The following HOXB8 variants were observed in gnomAD, a reference collection of about 807,000 sequenced individuals.
The protein encoded by HOXB8 is homeobox protein Hox-B8.
A neutral mutation model predicts 22.2 loss-of-function variants in HOXB8; 17 were observed. That is an observed-to-expected ratio of 0.77 (90% confidence interval 0.53 to 1.15). HOXB8 has a LOEUF of 1.15. HOXB8 is among the 50% of genes most tolerant of loss of function. The probability of loss-of-function intolerance (pLI) is 0.00; values close to 1 mark genes in which losing one functional copy is unlikely to be tolerated. For missense variants in HOXB8, 287 were observed against 323.8 expected (o/e 0.89, Z 0.87); for synonymous variants, 156 against 144.6 (o/e 1.08, Z -0.57).
chr17:48,614,154 A>G lies in HOXB8; in HGVS notation c.424+127T>C, dbSNP rs970400382. ...GAAAGAAAGATAAGAAAGAAAGGGG[A>G]AAAGCGGCAGGCGATCGGAACGGAG... On this transcript the variant is annotated intron_variant, in intron 1 of 1. Coordinates refer to ENST00000239144, the MANE Select transcript of HOXB8 (RefSeq NM_024016.4). This position sits in a 1 kb window ranked among gnomAD's most constrained non-coding sequence, Gnocchi z 4.1. 282 of 667,088 alleles carry G rather than the reference A, an allele frequency of 4.2e-4. 4 individuals are homozygous for G. Among genetic ancestry groups the G allele is most frequent in the Non-Finnish European group, 6.0e-4 (260 of 432,174 alleles). The allele number at this position is 667,088 out of a possible 1,614,324, so 41.3% of individuals were successfully genotyped here.
rs770672654 is a variant in HOXB8 at position 48,613,453 on chromosome 17, G to A, written c.481C>T (p.Leu161=). ...GGATTAAATAGGAACTCCTTCTCCA[G>A]CTCCAGGGTCTGGTAGCGGCTGTAG... is the stretch of plus-strand genomic sequence containing the variant. ...QTYSRYQTLE[L]EKEFLFNPYL... Residue 161 remains leucine, a synonymous_variant, in exon 2 of 2, where the codon CTG becomes TTG. Transcript: ENST00000239144. 5 of 1,611,148 alleles carry A rather than the reference G, an allele frequency of 3.1e-6. No individual in the cohort carries two copies. The highest frequency in any genetic ancestry group is 4.2e-6 in the Non-Finnish European group (5 of 1,178,322).
chr17:48,614,920 G>A lies in HOXB8; in HGVS notation c.-216C>T, dbSNP rs2070707245. 1.9e-6 allele frequency: 1 copy of A among 514,720 alleles called. No individual in the cohort carries two copies. Among genetic ancestry groups the A allele is most frequent in the Non-Finnish European group, 3.4e-6 (1 of 295,368 alleles). 31.9% of individuals were successfully genotyped at this position (514,720 alleles called of 1,614,324 possible). On this transcript the variant is annotated 5_prime_UTR_variant, in exon 1 of 2. Transcript: ENST00000239144. This position sits in a 1 kb window ranked among gnomAD's most constrained non-coding sequence, Gnocchi z 4.1. Reference sequence around the variant, plus strand: ...TCTCGAAGCCGACACACTTTTTGTGGTTTCCAGGAATAGAAAAGGACAGAG... The same window carrying A: ...TCTCGAAGCCGACACACTTTTTGTGATTTCCAGGAATAGAAAAGGACAGAG...
intron 1 of HOXB8, among the ~76,000 whole-genome samples, chr17:48,613,912 G>A (rs558711958): frequency 6.6e-6 from 1 of 152,150 alleles, no homozygotes; most frequent in Non-Finnish European, 1.5e-5. Context: ...TGCCCCAGAA[G>A]AAAAGTTTCT....
Position 48,613,512 on chromosome 17 carries a change from G to A in HOXB8, c.425-3C>T. On this transcript the variant is annotated splice_polypyrimidine_tract_variant and splice_region_variant and intron_variant, in intron 1 of 1. Transcript: ENST00000239144. ...GCCTCGCCTGCGTCCGGCGGCTGCT[G>A]GGAATGGGGGAAAGGGCGAGACAGA... is the stretch of plus-strand genomic sequence containing the variant. 6.7e-7 allele frequency: 1 copy of A among 1,503,044 alleles called. No homozygotes were observed. The highest frequency in any genetic ancestry group is 9.0e-7 in the Non-Finnish European group (1 of 1,107,400). 93.1% of individuals were successfully genotyped at this position (1,503,044 alleles called of 1,614,324 possible). A position where few individuals can be genotyped will look rare whatever the true frequency, so the allele number is the denominator to read the frequency against.
In HOXB8 at chr17:48,614,519, C is replaced by T. The variant is rs777427813; in HGVS notation, c.186G>A (p.Ser62=). 1.2e-6 allele frequency: 2 copies of T among 1,613,912 alleles called. No individual in the cohort carries two copies. The highest frequency in any genetic ancestry group is 2.2e-5 in the East Asian group (1 of 44,866). ...SQIQEFYHGP[S]SLSTAPYQQN... ...GCTGGTAGGGAGCCGTGGACAGCGA[C>T]GACGGCCCGTGGTAGAACTCCTGGA... Residue 62 remains serine, a synonymous_variant, in exon 1 of 2, where the codon TCG becomes TCA. Transcript: ENST00000239144. This position sits in a 1 kb window ranked among gnomAD's most constrained non-coding sequence, Gnocchi z 4.1.
rs1259327760 is a variant in HOXB8 at position 48,614,485 on chromosome 17, A to G, written c.220T>C (p.Cys74Arg). 1 of 1,613,960 alleles carries G rather than the reference A, an allele frequency of 6.2e-7. No homozygotes were observed. The highest frequency in any genetic ancestry group is 1.7e-5 in the Admixed American group (1 of 60,012). The change falls in exon 1 of 2, where the codon TGC (cysteine) becomes CGC (arginine). Residue 74 changes from cysteine to arginine, a missense_variant. Cys to Arg is a radical substitution (Grantham distance 180). This residue lies in a region of HOXB8 where 229 missense variants were observed against 239.8 expected (regional missense o/e 0.95). Transcript: ENST00000239144. The surrounding 1 kb of genome is among the most constrained non-coding windows in gnomAD (Gnocchi z 4.1). The stretch of plus-strand genomic sequence containing the variant: ...GGGTCCCCGTGGCACGCCACGGCGC[A>G]CGGGTTCTGCTGGTAGGGAGCCGTG... ...LSTAPYQQNP[C>R]AVACHGDPGN...
Position 48,615,234 on chromosome 17 carries a change from A to T in HOXB8, c.-530T>A, listed in dbSNP as rs560567058. ...AACGCAGAGCGAGGGTGAGAGCGAG[A>T]GAGAGCGAGCGAGAGAGAGAGCTAG... On this transcript the variant is annotated 5_prime_UTR_variant, in exon 1 of 2. Coordinates refer to ENST00000239144, the MANE Select transcript of HOXB8 (RefSeq NM_024016.4). Among the ~76,000 whole-genome samples, 7 of 114,918 alleles carry T rather than the reference A, an allele frequency of 6.1e-5. No individual in the cohort carries two copies. The East Asian group carries it at 1.9e-3, about 31-fold the overall frequency. 75.4% of individuals were successfully genotyped at this position (114,918 alleles called of 152,430 possible).
rs1024878375 is a variant in HOXB8 at position 48,614,365 on chromosome 17, C to A, written c.340G>T (p.Ala114Ser). 2.5e-6 allele frequency: 4 copies of A among 1,606,952 alleles called. No homozygotes were observed. The African/African-American group carries it at 5.3e-5, about 21-fold the overall frequency. Residue 114 changes from alanine (A) to serine (S), a missense_variant, in exon 1 of 2, where the codon GCC becomes TCC. Ala to Ser is a moderately conservative substitution (Grantham distance 99, BLOSUM62 1). Transcript: ENST00000239144. The surrounding 1 kb of genome is among the most constrained non-coding windows in gnomAD (Gnocchi z 4.1). ...LVQYADCKLAAASGLGEEAEG... is the reference protein window; with the variant it reads ...LVQYADCKLASASGLGEEAEG... Reference sequence around the variant, plus strand: ...GCCTCCTCGCCCAGGCCGCTGGCGGCGGCAAGCTTGCAGTCTGCGTACTGC... The same window carrying A: ...GCCTCCTCGCCCAGGCCGCTGGCGGAGGCAAGCTTGCAGTCTGCGTACTGC...
In HOXB8 at chr17:48,613,519, G is replaced by C. The variant is rs1418200031; in HGVS notation, c.425-10C>G. On this transcript the variant is annotated splice_polypyrimidine_tract_variant and intron_variant, in intron 1 of 1. Transcript: ENST00000239144. ...CTGCGTCCGGCGGCTGCTGGGAATG[G>C]GGGAAAGGGCGAGACAGAGGGGAGG... is the stretch of plus-strand genomic sequence containing the variant. 1.9e-6 allele frequency: 3 copies of C among 1,572,726 alleles called. No individual in the cohort carries two copies. The highest frequency in any genetic ancestry group is 2.3e-5 in the East Asian group (1 of 43,582).
rs1449223384 is a variant in HOXB8, at chr17:48,614,487, G to A, written c.218C>T (p.Pro73Leu). 3 of 1,613,872 alleles carry A rather than the reference G, an allele frequency of 1.9e-6. No homozygotes were observed. Among genetic ancestry groups the A allele is most frequent in the Non-Finnish European group, 2.5e-6 (3 of 1,179,956 alleles). ...SLSTAPYQQNPCAVACHGDPG... is the reference protein window; with the variant it reads ...SLSTAPYQQNLCAVACHGDPG... ...GTCCCCGTGGCACGCCACGGCGCACGGGTTCTGCTGGTAGGGAGCCGTGGA... is the reference window on the plus strand; with the variant it reads ...GTCCCCGTGGCACGCCACGGCGCACAGGTTCTGCTGGTAGGGAGCCGTGGA... The change falls in exon 1 of 2, where the codon CCG becomes CTG. Residue 73 changes from proline to leucine, a missense_variant. By Grantham distance (98) the Pro-to-Leu change is moderately conservative (BLOSUM62 -3). Around this residue, in one of 3 missense-constraint regions of HOXB8, gnomAD observed 229 missense variants for 239.8 expected, o/e 0.95. Transcript: ENST00000239144. The surrounding 1 kb of genome is among the most constrained non-coding windows in gnomAD (Gnocchi z 4.1).
In HOXB8 at chr17:48,615,247, G is replaced by A. The variant is rs1170461544; in HGVS notation, c.-543C>T. Reference sequence around the variant, plus strand: ...GGTGAGAGCGAGAGAGAGCGAGCGAGAGAGAGAGCTAGAGCGAGAGAGCGC... The same window carrying A: ...GGTGAGAGCGAGAGAGAGCGAGCGAAAGAGAGAGCTAGAGCGAGAGAGCGC... On this transcript the variant is annotated 5_prime_UTR_variant, in exon 1 of 2. Transcript: ENST00000239144. 1.3e-5 allele frequency among the ~76,000 whole-genome samples: 2 copies of A among 149,818 alleles called. No homozygotes were observed. Among genetic ancestry groups the A allele is most frequent in the Admixed American group, 1.3e-4 (2 of 15,044 alleles).
In HOXB8 at chr17:48,613,308, T is replaced by C; in HGVS notation, c.626A>G (p.Lys209Arg). 2.5e-6 allele frequency: 4 copies of C among 1,614,040 alleles called. No homozygotes were observed. The South Asian group carries it at 4.4e-5, about 18-fold the overall frequency. Residue 209 changes from lysine (K) to arginine (R), a missense_variant, in exon 2 of 2, where the codon AAG (lysine) becomes AGG (arginine). Lys to Arg is a conservative substitution (Grantham distance 26). Coordinates refer to ENST00000239144, the MANE Select transcript of HOXB8 (RefSeq NM_024016.4). The part of the protein sequence containing the change: ...MKWKKENNKD[K>R]FPSSKCEQEE... ...CTGCTCGCATTTGCTGCTGGGGAAC[T>C]TGTCTTTGTTGTTCTCTTTTTTCCA...
chr17:48,613,780 G>A (rs1163110628), intron 1 of HOXB8, among the ~76,000 whole-genome samples: 1 of 152,112 alleles, frequency 6.6e-6, no homozygotes, highest in East Asian at 1.9e-4. Flanking sequence ...TGTAGGAGGT[G>A]GTTCAGATCT....
At position 48,614,146 on chromosome 17, in the gene HOXB8, G is replaced by C. The variant is rs1025037750; in HGVS notation, c.424+135C>G. The C allele has an allele frequency of 1.6e-6, 1 of 634,462 alleles. No individual in the cohort carries two copies. Among genetic ancestry groups the C allele is most frequent in the Non-Finnish European group, 2.5e-6 (1 of 402,098 alleles). 39.3% of individuals were successfully genotyped at this position (634,462 alleles called of 1,614,324 possible). A position where few individuals can be genotyped will look rare whatever the true frequency, so the allele number is the denominator to read the frequency against. On this transcript the variant is annotated intron_variant, in intron 1 of 1. Coordinates refer to ENST00000239144, the MANE Select transcript of HOXB8 (RefSeq NM_024016.4). The surrounding 1 kb of genome is among the most constrained non-coding windows in gnomAD (Gnocchi z 4.1). The stretch of plus-strand genomic sequence containing the variant: ...AGAAAGAAGAAAGAAAGATAAGAAA[G>C]AAAGGGGAAAAGCGGCAGGCGATCG...
rs1033989746 is a variant in HOXB8 at position 48,614,256 on chromosome 17, C to T, written c.424+25G>A. On this transcript the variant is annotated intron_variant, in intron 1 of 1. Coordinates refer to ENST00000239144, the MANE Select transcript of HOXB8 (RefSeq NM_024016.4). The surrounding 1 kb of genome is among the most constrained non-coding windows in gnomAD (Gnocchi z 4.1). ...TGGGCCCTTCCGGCCCCCTCCTGCC[C>T]TTGTCGGCCCCGAGGCGAGCTCACC... 5 of 1,467,034 alleles carry T rather than the reference C, an allele frequency of 3.4e-6. No homozygotes were observed. The African/African-American group carries it at 5.7e-5, about 17-fold the overall frequency. 90.9% of individuals were successfully genotyped at this position (1,467,034 alleles called of 1,614,324 possible).
chr17:48,614,757 TGGGGAG>T lies in HOXB8; in HGVS notation c.-59_-54del. 1 of 12,392 alleles carries T rather than the reference TGGGGAG, an allele frequency of 8.1e-5. No homozygotes were observed. The highest frequency in any genetic ancestry group is 1.4e-4 in the Non-Finnish European group (1 of 7,350). 0.8% of individuals were successfully genotyped at this position (12,392 alleles called of 1,614,324 possible). A position where few individuals can be genotyped will look rare whatever the true frequency, so the allele number is the denominator to read the frequency against. On this transcript the variant is annotated 5_prime_UTR_variant, in exon 1 of 2. Transcript: ENST00000239144. This position sits in a 1 kb window ranked among gnomAD's most constrained non-coding sequence, Gnocchi z 4.1. ...GGCGGAGGCTATAGTTGGGGGCTGTTGGGGAGGGGGTGGGGAGGGGGAAAGGGAGGG... is the reference window on the plus strand; with the variant it reads ...GGCGGAGGCTATAGTTGGGGGCTGTTGGGGTGGGGAGGGGGAAAGGGAGGG...
chr17:48,614,187 G>A lies in HOXB8; in HGVS notation c.424+94C>T, dbSNP rs932870138. On this transcript the variant is annotated intron_variant, in intron 1 of 1. Transcript: ENST00000239144. This position sits in a 1 kb window ranked among gnomAD's most constrained non-coding sequence, Gnocchi z 4.1. Reference sequence around the variant, plus strand: ...CAGGCGATCGGAACGGAGCCGGCAAGTCTTCCAGAAGCTGGAGGAAATGCG... The same window carrying A: ...CAGGCGATCGGAACGGAGCCGGCAAATCTTCCAGAAGCTGGAGGAAATGCG... 2 of 1,037,436 alleles carry A rather than the reference G, an allele frequency of 1.9e-6. No homozygotes were observed. Among genetic ancestry groups the A allele is most frequent in the African/African-American group, 1.6e-5 (1 of 61,966 alleles). 64.3% of individuals were successfully genotyped at this position (1,037,436 alleles called of 1,614,324 possible).
Position 48,613,404 on chromosome 17 carries a change from A to G in HOXB8, c.530T>C (p.Ile177Thr). The G allele has an allele frequency of 6.2e-7, 1 of 1,613,946 alleles. No homozygotes were observed. The highest frequency in any genetic ancestry group is 1.1e-5 in the South Asian group (1 of 91,078). The part of the protein sequence containing the change: ...FNPYLTRKRR[I>T]EVSHALGLTE... ...CAGTCCCAGGGCGTGCGATACCTCG[A>G]TTCGCCGCTTACGAGTCAGATAGGG... Residue 177 changes from isoleucine (I) to threonine (T), a missense_variant, in exon 2 of 2, where the codon ATC (isoleucine) becomes ACC (threonine). Transcript: ENST00000239144.
At position 48,615,224 on chromosome 17, in the gene HOXB8, TGAGAGCGAGA is replaced by T. The variant is rs140530884; in HGVS notation, c.-530_-521del. Among the ~76,000 whole-genome samples the T allele has an allele frequency of 0.13, 18,801 of 143,080 alleles. 1,286 individuals are homozygous for T. Among genetic ancestry groups the T allele is most frequent in the East Asian group, 0.22 (1,080 of 4,910 alleles). 93.9% of individuals were successfully genotyped at this position (143,080 alleles called of 152,430 possible). A position where few individuals can be genotyped will look rare whatever the true frequency, so the allele number is the denominator to read the frequency against. On this transcript the variant is annotated 5_prime_UTR_variant, in exon 1 of 2. Transcript: ENST00000239144. ...TCCCGGACAGAACGCAGAGCGAGGG[TGAGAGCGAGA>T]GAGAGCGAGCGAGAGAGAGAGCTAG...
Sources: allele counts gnomAD v4.1 joint callset (sites outside exome capture counted in the v4.1 genomes callset), GRCh38; gene constraint gnomAD v4.1.1; regional missense constraint gnomAD v4.1.1; non-coding constraint Gnocchi (gnomAD v3.1); transcripts MANE v1.5; gene names NCBI Gene and HGNC (gene_info 2026-07-23, HGNC 2026-07-21).